The following EPHB2 variants were observed in gnomAD, a reference collection of about 807,000 sequenced individuals.
EPHB2 encodes the protein ephrin type-B receptor 2.
A neutral mutation model predicts 96.4 loss-of-function variants in EPHB2; 18 were observed. That is an observed-to-expected ratio of 0.19 (90% confidence interval 0.13 to 0.28). EPHB2 has a LOEUF of 0.28. Ranked by LOEUF, EPHB2 falls within the 10% of genes least tolerant of loss-of-function variation. EPHB2 has a pLI of 1.00. For synonymous variants in EPHB2, 506 were observed against 534.1 expected (o/e 0.95, Z 0.72); for missense variants, 989 against 1,355.4 (o/e 0.73, Z 4.25).
chr1:22,731,711 G>A (rs570198278), intron 1 of EPHB2, among the ~76,000 whole-genome samples: 69 of 152,118 alleles, frequency 4.5e-4, no homozygotes, highest in Non-Finnish European at 1.5e-4. Flanking sequence ...GTGGTGGCGC[G>A]CATCTGTAAT....
In EPHB2 at chr1:22,908,083, G is replaced by A. The variant is rs748663703; in HGVS notation, c.2267G>A (p.Ser756Asn). The A allele has an allele frequency of 1.9e-6, 3 of 1,614,114 alleles. No individual in the cohort carries two copies. Among genetic ancestry groups the A allele is most frequent in the Middle Eastern group, 1.6e-4 (1 of 6,084 alleles). The change falls in exon 12 of 16, where the codon AGC (serine) becomes AAC (asparagine). Residue 756 changes from serine to asparagine, a missense_variant. Physicochemically the swap from Ser to Asn is conservative, Grantham distance 46. Coordinates refer to ENST00000374630, the MANE Select transcript of EPHB2 (RefSeq NM_017449.5). ...DLAARNILVN[S>N]NLVCKVSDFG... ...GCTGCCCGCAACATCCTCGTCAACAGCAACCTGGTCTGCAAGGTGTCGGAC... is the reference window on the plus strand; with the variant it reads ...GCTGCCCGCAACATCCTCGTCAACAACAACCTGGTCTGCAAGGTGTCGGAC...
At chr1:22,859,055 T>C (rs538142531) in intron 3 of EPHB2, among the ~76,000 whole-genome samples, 47 of 152,242 alleles carry the variant, frequency 3.1e-4, no homozygotes, top group African/African-American at 1.1e-3. Flanking sequence ...GGAGAATCAC[T>C]TGAACCTGGG....
intron 9 of EPHB2, 56 bp from the exon 10 acceptor site, chr1:22,905,931 C>G (rs1639897522): frequency 1.2e-6 from 2 of 1,613,460 alleles, no homozygotes; most frequent in Admixed American, 3.3e-5. Flanking sequence ...CCCGCTTTTC[C>G]TTTTTGTGTG....
At chr1:22,755,867 T>G (rs1286003004) in intron 1 of EPHB2, among the ~76,000 whole-genome samples, 1 of 152,158 alleles carries the variant, frequency 6.6e-6, no homozygotes, top group Non-Finnish European at 1.5e-5. Flanking sequence ...TAACATGTAT[T>G]TAGTCCTTAT....
intron 3 of EPHB2, among the ~76,000 whole-genome samples, chr1:22,785,340 T>G (rs1391292906): frequency 6.6e-6 from 1 of 152,254 alleles, no homozygotes; most frequent in Admixed American, 6.5e-5. Flanking sequence ...GGTTTTTTGT[T>G]TACATCATCA....
intron 3 of EPHB2, 22 bp downstream of exon 3, chr1:22,785,098 G>C (rs377586710): frequency 2.5e-6 from 4 of 1,613,102 alleles, no homozygotes; most frequent in Middle Eastern, 3.3e-4. Context: ...GGTGGGGCAC[G>C]TGCCCCTGCA....
chr1:22,893,625 A>G (rs897371493), intron 7 of EPHB2, among the ~76,000 whole-genome samples: 1 of 152,210 alleles, frequency 6.6e-6, no homozygotes, highest in African/African-American at 2.4e-5. Flanking sequence ...TGGGCTCTGA[A>G]GCCAAAGAAA....
intron 5 of EPHB2, among the ~76,000 whole-genome samples, chr1:22,869,542 T>C (rs1638590309): frequency 6.6e-6 from 1 of 151,878 alleles, no homozygotes; most frequent in Non-Finnish European, 1.5e-5. Flanking sequence ...TGAGCTTGAC[T>C]TTGAAGAATG....
intron 9 of EPHB2, among the ~76,000 whole-genome samples, chr1:22,904,109 A>G (rs1639832708): frequency 1.3e-5 from 2 of 152,316 alleles, no homozygotes; most frequent in South Asian, 4.1e-4. Context: ...CCAACATGGC[A>G]AAACCTATTA....
chr1:22,812,761 C>G (rs547025124), intron 3 of EPHB2, among the ~76,000 whole-genome samples: 1 of 152,326 alleles, frequency 6.6e-6, no homozygotes, highest in Non-Finnish European at 1.5e-5. Flanking sequence ...ACTCCATAAA[C>G]AGCAGCTGGC....
intron 1 of EPHB2, among the ~76,000 whole-genome samples, chr1:22,770,691 G>C (rs973597274): frequency 1.3e-5 from 2 of 152,184 alleles, no homozygotes; most frequent in East Asian, 1.9e-4. Flanking sequence ...CTGTGTACTC[G>C]CTGTGTGATG....
chr1:22,863,002 A>G (rs1156514567), intron 3 of EPHB2, 35 bp from the exon 4 acceptor site: 1 of 1,613,586 alleles, frequency 6.2e-7, no homozygotes, highest in Non-Finnish European at 8.5e-7. Context: ...GTCTTCATCC[A>G]GTTTCCTGGT....
At chr1:22,897,634 A>G (rs1639609309) in intron 9 of EPHB2, among the ~76,000 whole-genome samples, 2 of 151,976 alleles carry the variant, frequency 1.3e-5, no homozygotes, top group East Asian at 2.0e-4. Context: ...TAAAAATACA[A>G]AATTTAGCCA....
At chr1:22,713,560 T>G (rs1643214056) in intron 1 of EPHB2, among the ~76,000 whole-genome samples, 1 of 151,962 alleles carries the variant, frequency 6.6e-6, no homozygotes, top group Non-Finnish European at 1.5e-5. Flanking sequence ...GGATGGACGG[T>G]GCTGCCTGTG....
intron 1 of EPHB2, among the ~76,000 whole-genome samples, chr1:22,740,526 A>G (rs931233393): frequency 2.0e-5 from 3 of 152,140 alleles, no homozygotes; most frequent in Non-Finnish European, 2.9e-5. Context: ...TTGAGTAAGC[A>G]TGCCCTCAAG....
intron 1 of EPHB2, among the ~76,000 whole-genome samples, chr1:22,748,668 C>G (rs6693330): frequency 0.21 from 31,542 of 151,536 alleles, 4,243 homozygotes; most frequent in Middle Eastern, 0.34. Context: ...GCGTGAGCCA[C>G]TGCGCCCAGC....
intron 1 of EPHB2, among the ~76,000 whole-genome samples, chr1:22,738,437 A>C (rs938922949): frequency 1.3e-5 from 2 of 152,236 alleles, no homozygotes; most frequent in Non-Finnish European, 2.9e-5. Flanking sequence ...TACTGTACCC[A>C]TAGGAGCTTC....
rs755673470 is a variant in EPHB2, at chr1:22,863,173, C to G, written c.948C>G (p.Pro316=). The G allele has an allele frequency of 4.3e-6, 7 of 1,614,080 alleles. No homozygotes were observed. Among genetic ancestry groups the G allele is most frequent in the Non-Finnish European group, 5.9e-6 (7 of 1,180,054 alleles). The change falls in exon 4 of 16, where the codon CCC becomes CCG. Residue 316 remains proline, a synonymous_variant. Coordinates refer to ENST00000374630, the MANE Select transcript of EPHB2 (RefSeq NM_017449.5). ...RNGYYRADLD[P]LDMPCTTIPS... is the part of the protein sequence containing the mutation. ...GCTACTACAGAGCAGACCTGGACCC[C>G]CTGGACATGCCCTGCACAAGTAAGT...
Position 22,912,767 on chromosome 1 carries a change from G to T in EPHB2, c.2852+168G>T, listed in dbSNP as rs564555965. The T allele has an allele frequency of 2.1e-4, 191 of 923,772 alleles. 3 individuals are homozygous for T. In the South Asian group the frequency reaches 2.5e-3, roughly 12 times the overall value. 57.2% of individuals were successfully genotyped at this position (923,772 alleles called of 1,614,324 possible). A position where few individuals can be genotyped will look rare whatever the true frequency, so the allele number is the denominator to read the frequency against. ...GGAGTCACCTGTGGACTGATACCCA[G>T]GTCTGCCTGCCACCTACAAGCTCTG... is the stretch of plus-strand genomic sequence containing the variant. On this transcript the variant is annotated intron_variant, in intron 15 of 15. Coordinates refer to ENST00000374630, the MANE Select transcript of EPHB2 (RefSeq NM_017449.5).
Sources: allele counts gnomAD v4.1 joint callset (sites outside exome capture counted in the v4.1 genomes callset), GRCh38; gene constraint gnomAD v4.1.1; transcripts MANE v1.5; gene names NCBI Gene and HGNC (gene_info 2026-07-23, HGNC 2026-07-21).